DHRSX: variants seen among roughly 807,000 people sequenced by gnomAD.
DHRSX encodes polyprenol dehydrogenase.
Under a neutral mutation model 34.0 loss-of-function variants are expected in DHRSX, and 31 were observed. That is an observed-to-expected ratio of 0.91 (90% CI 0.69 to 1.23). The LOEUF (loss-of-function observed/expected upper bound fraction) is 1.23, where lower values mean the gene tolerates loss of function less well. Ranked by LOEUF, DHRSX falls within the 50% of genes most tolerant of loss-of-function variation. The pLI is 0.00. For synonymous variants in DHRSX, 201 were observed against 183.8 expected, an observed-to-expected ratio of 1.09 and a Z score of -0.76; for missense variants, 414 against 428.1, an observed-to-expected ratio of 0.97 and a Z score of 0.29.
intron 5 of DHRSX, among the ~76,000 whole-genome samples, chrX:2,251,302 A>G (rs990395681): frequency 6.6e-6 from 1 of 152,204 alleles, no homozygotes; most frequent in South Asian, 2.1e-4. Flanking sequence ...AAAGAAATCA[A>G]TGTACTTTAT....
In DHRSX at chrX:2,432,981, G is replaced by A. The variant is rs753629213; in HGVS notation, c.110-7677C>T. 3.3e-5 allele frequency among the ~76,000 whole-genome samples: 5 copies of A among 152,042 alleles called. No homozygotes were observed. The East Asian group carries it at 9.7e-4, about 29-fold the overall frequency. ...CTACAAAAAATTTAAAAAATTAACC[G>A]GGTGTGGCGGTGCGTGCCTGTAGTT... On this transcript the variant is annotated intron_variant, in intron 1 of 6. Transcript: ENST00000334651.
chrX:2,419,681 A>C (rs2043747202), intron 2 of DHRSX, among the ~76,000 whole-genome samples: 1 of 151,966 alleles, frequency 6.6e-6, no homozygotes, highest in Non-Finnish European at 1.5e-5. Flanking sequence ...ACATGGATGA[A>C]GCTGGAAACC....
chrX:2,351,728 G>C (rs1246759240), intron 3 of DHRSX, among the ~76,000 whole-genome samples: 3 of 152,146 alleles, frequency 2.0e-5, no homozygotes, highest in Non-Finnish European at 4.4e-5. Context: ...GAGACTACCA[G>C]ACTGAGAGCC....
At chrX:2,238,586 C>CT (rs758589373) in intron 6 of DHRSX, among the ~76,000 whole-genome samples, 5,022 of 142,324 alleles carry the variant, frequency 0.035, 251 homozygotes, top group African/African-American at 0.11. Context: ...TTTCTTCTTT[C>CT]TTTTTTTTTT....
At chrX:2,374,467 A>G (rs2043117148) in intron 3 of DHRSX, among the ~76,000 whole-genome samples, 2 of 150,608 alleles carry the variant, frequency 1.3e-5, no homozygotes, top group South Asian at 4.2e-4. Flanking sequence ...AGCCGGGCAC[A>G]GTGACTCACG....
chrX:2,478,153 G>A (rs1466320415), intron 1 of DHRSX, among the ~76,000 whole-genome samples: 2 of 152,216 alleles, frequency 1.3e-5, no homozygotes, highest in East Asian at 1.9e-4. Context: ...TGTAGGGGAA[G>A]AAGGATGCGG....
At chrX:2,449,471 A>C (rs944568815) in intron 1 of DHRSX, among the ~76,000 whole-genome samples, 9 of 152,060 alleles carry the variant, frequency 5.9e-5, no homozygotes, top group Non-Finnish European at 1.2e-4. Flanking sequence ...ACTGATTTTC[A>C]TATTGAAATT....
At chrX:2,295,814 G>A (rs2041924830) in intron 3 of DHRSX, among the ~76,000 whole-genome samples, 1 of 152,168 alleles carries the variant, frequency 6.6e-6, no homozygotes. Context: ...TTGACGGCTT[G>A]TATTTTCACG....
In DHRSX at chrX:2,493,726, T is replaced by C. The variant is rs1314610829; in HGVS notation, c.109+7091A>G. Among the ~76,000 whole-genome samples the C allele has an allele frequency of 2.0e-5, 3 of 152,252 alleles. No individual in the cohort carries two copies. The South Asian group carries it at 6.2e-4, about 32-fold the overall frequency. On this transcript the variant is annotated intron_variant, in intron 1 of 6. Transcript: ENST00000334651. ...GGCTCACGCCTGTACTCTCAGCACT[T>C]TGGGAGGCCAAGGTGGGTGGATCAT...
At chrX:2,411,756 A>ACAAAAC (rs201439726) in intron 2 of DHRSX, among the ~76,000 whole-genome samples, 1 of 151,240 alleles carries the variant, frequency 6.6e-6, no homozygotes, top group East Asian at 2.0e-4. Context: ...ACAAAACAAA[A>ACAAAAC]AAAAACAAAG....
At chrX:2,355,242 T>C (rs374157688) in intron 3 of DHRSX, among the ~76,000 whole-genome samples, 2 of 152,090 alleles carry the variant, frequency 1.3e-5, no homozygotes, top group South Asian at 2.1e-4. Context: ...CCGGGCACAA[T>C]GGCTCGCACC....
chrX:2,310,290 C>G (rs2042147264), intron 3 of DHRSX, among the ~76,000 whole-genome samples: 1 of 152,044 alleles, frequency 6.6e-6, no homozygotes, highest in Non-Finnish European at 1.5e-5. Context: ...GGGAAGGAAC[C>G]CAGGTGCCCG....
At chrX:2,327,794 G>A (rs1349199194) in intron 3 of DHRSX, among the ~76,000 whole-genome samples, 2 of 152,008 alleles carry the variant, frequency 1.3e-5, no homozygotes, top group African/African-American at 2.4e-5. Context: ...AAGAAGAGGA[G>A]ATGAGGCCGG....
chrX:2,498,793 C>T (rs1016413927), intron 1 of DHRSX, among the ~76,000 whole-genome samples: 3 of 152,070 alleles, frequency 2.0e-5, no homozygotes, highest in Non-Finnish European at 4.4e-5. Flanking sequence ...CAAAACTGCC[C>T]GGATAAACAT....
chrX:2,380,930 T>C (rs978613770), intron 3 of DHRSX, among the ~76,000 whole-genome samples: 1 of 152,032 alleles, frequency 6.6e-6, no homozygotes, highest in Non-Finnish European at 1.5e-5. Context: ...AGTGGTGTGA[T>C]CTCGGCTCAC....
chrX:2,267,947 C>A (rs1209335303), intron 4 of DHRSX, among the ~76,000 whole-genome samples: 4 of 152,064 alleles, frequency 2.6e-5, no homozygotes, highest in Non-Finnish European at 1.5e-5. Flanking sequence ...TGTCTCCCCC[C>A]AGAATTCTGG....
At chrX:2,490,850 G>A in intron 1 of DHRSX, 2 of 1,327,764 alleles carry the variant, frequency 1.5e-6, no homozygotes, top group Admixed American at 2.3e-5. Flanking sequence ...GACAGACAGG[G>A]TGCCGGGGCA....
Position 2,411,819 on chromosome X carries a change from A to G in DHRSX, c.218-3006T>C, listed in dbSNP as rs770111968. On this transcript the variant is annotated intron_variant, in intron 2 of 6. Transcript: ENST00000334651. ...TAAGATGGGAGCCTCCACCTTCTCA[A>G]GAAAGACAAAAGTGACCAGAAAAAG... 5.3e-5 allele frequency among the ~76,000 whole-genome samples: 8 copies of G among 152,288 alleles called. No homozygotes were observed. In the East Asian group the frequency reaches 1.3e-3, roughly 26 times the overall value.
chrX:2,306,146 T>C (rs2042094216), intron 3 of DHRSX, among the ~76,000 whole-genome samples: 1 of 152,134 alleles, frequency 6.6e-6, no homozygotes, highest in African/African-American at 2.4e-5. Context: ...AGGTATTTCT[T>C]CAGAGCAGTG....
Sources: gnomAD v4.1 joint callset for allele counts (sites outside exome capture counted in the v4.1 genomes callset) on GRCh38, gnomAD v4.1.1 for gene constraint, MANE v1.5 for transcripts, NCBI Gene and HGNC (gene_info 2026-07-23, HGNC 2026-07-21) for gene names.